Variants in TSHR observed in about 807,000 individuals in gnomAD.
TSHR encodes thyroid stimulating hormone receptor.
TSHR carries 51 observed loss-of-function variants against 64.1 expected under a neutral mutation model. The ratio of observed to expected loss-of-function variants is 0.80; its 90% confidence interval spans 0.64 to 1.01. TSHR has a LOEUF of 1.01. Ranked by LOEUF, TSHR falls within the 50% of genes least tolerant of loss-of-function variation. TSHR has a pLI of 0.00. For missense variants in TSHR, 877 were observed against 942.8 expected (o/e 0.93, Z 0.91); for synonymous variants, 361 against 361.9 (o/e 1.00, Z 0.03).
chr14:81,046,085 A>G (rs1885156497), intron 1 of TSHR, among the ~76,000 whole-genome samples: 2 of 152,198 alleles, frequency 1.3e-5, no homozygotes, highest in Admixed American at 1.3e-4. Context: ...CTTCTGCCAC[A>G]TTCTATAATC....
At position 81,126,813 on chromosome 14, in the gene TSHR, C is replaced by T. The variant is rs796234777; in HGVS notation, c.693-12866C>T. ...GCAATTTTATGTATAAATAACTCTA[C>T]CTTTTAGTGAGTGCCCGCTAGGCTC... is the stretch of plus-strand genomic sequence containing the variant. On this transcript the variant is annotated intron_variant, in intron 8 of 9. Coordinates refer to ENST00000298171, the MANE Select transcript of TSHR (RefSeq NM_000369.5). Among the ~76,000 whole-genome samples the T allele has an allele frequency of 2.4e-4, 37 of 152,260 alleles. 1 individual carries two copies. Among genetic ancestry groups the T allele is most frequent in the African/African-American group, 8.4e-4 (35 of 41,546 alleles).
chr14:81,029,998 A>G (rs10143800), intron 1 of TSHR, among the ~76,000 whole-genome samples: 36,294 of 152,106 alleles, frequency 0.24, 4,434 homozygotes, highest in South Asian at 0.32. Context: ...AGTTCTGCAC[A>G]AAGGCCTCTT....
intron 8 of TSHR, among the ~76,000 whole-genome samples, chr14:81,131,658 G>C (rs1891254530): frequency 6.6e-6 from 1 of 152,108 alleles, no homozygotes; most frequent in Admixed American, 6.5e-5. Flanking sequence ...TTTTGCTCCA[G>C]ATATCAGCTT....
intron 1 of TSHR, among the ~76,000 whole-genome samples, chr14:81,043,747 A>G (rs1278396551): frequency 6.6e-6 from 1 of 152,202 alleles, no homozygotes; most frequent in Non-Finnish European, 1.5e-5. Context: ...ACATAGACCA[A>G]TGGAACAGAA....
chr14:81,083,185 A>C (rs1237197355), intron 3 of TSHR, among the ~76,000 whole-genome samples: 1 of 152,158 alleles, frequency 6.6e-6, no homozygotes, highest in Non-Finnish European at 1.5e-5. Context: ...CTGCAATGCT[A>C]GTCGTAACGG....
rs183600926 is a variant in TSHR at position 81,137,181 on chromosome 14, C to A, written c.693-2498C>A. Among the ~76,000 whole-genome samples, 546 of 152,260 alleles carry A rather than the reference C, an allele frequency of 3.6e-3. 10 individuals carry two copies. Among genetic ancestry groups the A allele is most frequent in the Middle Eastern group, 0.031 (9 of 294 alleles). ...AAACAGAGATTATAATTCATTTGGT[C>A]TGGAATGTGTCTCAATCTGTATTAC... On this transcript the variant is annotated intron_variant, in intron 8 of 9. Coordinates refer to ENST00000298171, the MANE Select transcript of TSHR (RefSeq NM_000369.5).
At position 81,010,913 on chromosome 14, in the gene TSHR, C is replaced by T. The variant is rs1889866329; in HGVS notation, c.171-51235C>T. 2.0e-5 allele frequency among the ~76,000 whole-genome samples: 3 copies of T among 150,478 alleles called. No homozygotes were observed. In the South Asian group the frequency reaches 6.3e-4, roughly 31 times the overall value. ...GTTGGGTAAATCTGATTCTTTAGGT[C>T]GCTGCTGAGAACTCCATTACGGACA... On this transcript the variant is annotated intron_variant, in intron 1 of 9. Coordinates refer to ENST00000298171, the MANE Select transcript of TSHR (RefSeq NM_000369.5).
intron 2 of TSHR, among the ~76,000 whole-genome samples, chr14:81,067,926 A>AATATATATATATATAT (rs1566790843): frequency 2.4e-5 from 1 of 41,356 alleles, no homozygotes; most frequent in African/African-American, 2.1e-4. Context: ...ACAGGGTGAC[A>AATATATATATATATAT]CTATATATAT....
At chr14:81,132,105 AAATT>A (rs1297425388) in intron 8 of TSHR, among the ~76,000 whole-genome samples, 3 of 152,254 alleles carry the variant, frequency 2.0e-5, no homozygotes, top group African/African-American at 7.2e-5. Flanking sequence ...CAATATTAAT[AAATT>A]AATTACATTG....
intron 1 of TSHR, among the ~76,000 whole-genome samples, chr14:80,964,750 C>G (rs1255140716): frequency 6.6e-6 from 1 of 152,152 alleles, no homozygotes; most frequent in Non-Finnish European, 1.5e-5. Flanking sequence ...TGTAAGTGTA[C>G]TCACTATGAC....
At chr14:81,141,964 A>T (rs899163243) in intron 9 of TSHR, among the ~76,000 whole-genome samples, 1 of 152,208 alleles carries the variant, frequency 6.6e-6, no homozygotes, top group Non-Finnish European at 1.5e-5. Context: ...TAATAACCCT[A>T]TATGAAATAG....
intron 7 of TSHR, among the ~76,000 whole-genome samples, chr14:81,100,676 A>C (rs2140009815): frequency 6.6e-6 from 1 of 152,350 alleles, no homozygotes; most frequent in Non-Finnish European, 1.5e-5. Context: ...AATTTGCTAA[A>C]GCAGCTCACA....
intron 1 of TSHR, among the ~76,000 whole-genome samples, chr14:80,990,658 G>GA (rs1888680349): frequency 8.6e-6 from 1 of 116,442 alleles, no homozygotes; most frequent in Non-Finnish European, 1.9e-5. Flanking sequence ...GGCTGAAACA[G>GA]AATTTTTTTT....
chr14:81,069,591 A>G (rs927804907), intron 3 of TSHR, among the ~76,000 whole-genome samples: 1 of 152,194 alleles, frequency 6.6e-6, no homozygotes, highest in African/African-American at 2.4e-5. Context: ...AACTGACCAG[A>G]GGTTTAGGCA....
intron 7 of TSHR, among the ~76,000 whole-genome samples, chr14:81,098,001 G>A (rs1489617821): frequency 1.3e-5 from 2 of 152,136 alleles, no homozygotes; most frequent in African/African-American, 4.8e-5. Context: ...CAGAATTGGA[G>A]AGACCCTCCT....
chr14:81,129,532 G>T (rs1450645481), intron 8 of TSHR, among the ~76,000 whole-genome samples: 1 of 152,136 alleles, frequency 6.6e-6, no homozygotes, highest in Non-Finnish European at 1.5e-5. Flanking sequence ...ACCCCAAGCA[G>T]GCTCTACCTG....
chr14:80,988,382 G>T (rs1328162732), intron 1 of TSHR, among the ~76,000 whole-genome samples: 1 of 152,098 alleles, frequency 6.6e-6, no homozygotes, highest in Non-Finnish European at 1.5e-5. Flanking sequence ...GAGGAAGGGG[G>T]TGGGGAAGTG....
At chr14:81,085,011 G>C (rs1888183901) in intron 3 of TSHR, among the ~76,000 whole-genome samples, 1 of 152,118 alleles carries the variant, frequency 6.6e-6, no homozygotes, top group Non-Finnish European at 1.5e-5. Context: ...GCCCAGGATG[G>C]AGTGCAGTGG....
rs75998072 is a variant in TSHR at position 81,067,162 on chromosome 14, T to C, written c.243-1092T>C. ...ACCTGTGGAATGTTCCACTAGAGAATTGCGATTTTCTCTTCATCTTTGAAA... is the reference window on the plus strand; with the variant it reads ...ACCTGTGGAATGTTCCACTAGAGAACTGCGATTTTCTCTTCATCTTTGAAA... On this transcript the variant is annotated intron_variant, in intron 2 of 9. Coordinates refer to ENST00000298171, the MANE Select transcript of TSHR (RefSeq NM_000369.5). Among the ~76,000 whole-genome samples the C allele has an allele frequency of 3.0e-3, 460 of 152,268 alleles. 3 individuals are homozygous for C. Among genetic ancestry groups the C allele is most frequent in the African/African-American group, 0.011 (439 of 41,562 alleles).
Sources: gnomAD v4.1 joint callset for allele counts (sites outside exome capture counted in the v4.1 genomes callset) on GRCh38, gnomAD v4.1.1 for gene constraint, MANE v1.5 for transcripts, NCBI Gene and HGNC (gene_info 2026-07-23, HGNC 2026-07-21) for gene names.